Variants in LHX9 observed in about 807,000 individuals in gnomAD.
LHX9 encodes LIM homeobox 9.
Under a neutral mutation model 36.5 loss-of-function variants are expected in LHX9, and 9 were observed. That is an observed-to-expected ratio of 0.25 (90% CI 0.15 to 0.43). LHX9 has a LOEUF of 0.43. Among genes scored for constraint, LHX9 ranks in the 20% least tolerant of loss-of-function variants. The pLI is 1.00. For synonymous variants in LHX9, 211 were observed against 212.1 expected, an observed-to-expected ratio of 0.99 and a Z score of 0.04; for missense variants, 464 against 526.4, an observed-to-expected ratio of 0.88 and a Z score of 1.16.
At position 197,929,352 on chromosome 1, in the gene LHX9, T is replaced by C. The variant is rs1301751827; in HGVS notation, c.*93T>C. 4 of 1,199,380 alleles carry C rather than the reference T, an allele frequency of 3.3e-6. No homozygotes were observed. Among genetic ancestry groups the C allele is most frequent in the Non-Finnish European group, 4.1e-6 (4 of 967,208 alleles). The allele number at this position is 1,199,380 out of a possible 1,614,324, so 74.3% of individuals were successfully genotyped here. A position where few individuals can be genotyped will look rare whatever the true frequency, so the allele number is the denominator to read the frequency against. On this transcript the variant is annotated 3_prime_UTR_variant, in exon 5 of 5. Transcript: ENST00000367387. The stretch of plus-strand genomic sequence containing the variant: ...TTTTATTATTTACAAGACTTTTTTT[T>C]TCTTCTAACCCACAAGATATTTGGG...
intron 1 of LHX9, chr1:197,918,641 G>A (rs1659857648): frequency 2.0e-6 from 1 of 496,012 alleles, no homozygotes; most frequent in Non-Finnish European, 3.6e-6. Flanking sequence ...ATACGGAGGA[G>A]CGCGGCACCC....
At chr1:197,924,204 C>T (rs537724516) in intron 3 of LHX9, among the ~76,000 whole-genome samples, 3 of 152,242 alleles carry the variant, frequency 2.0e-5, no homozygotes, top group East Asian at 1.9e-4. Context: ...AGTTTTAACT[C>T]GTTATTTTAG....
In LHX9 at chr1:197,920,064, A is replaced by C; in HGVS notation, c.267A>C (p.Lys89Asn). ...SDRYYLLAVD[K>N]QWHLRCLKCC... ...GGTACTATCTGCTGGCTGTGGACAAACAGTGGCATCTGAGATGCCTGAAGT... is the reference window on the plus strand; with the variant it reads ...GGTACTATCTGCTGGCTGTGGACAACCAGTGGCATCTGAGATGCCTGAAGT... Residue 89 changes from lysine to asparagine, a missense_variant, in exon 2 of 5, where the codon AAA (lysine) becomes AAC (asparagine). This residue lies in a region of LHX9 where 93 missense variants were observed against 150.3 expected (regional missense o/e 0.62). Transcript: ENST00000367387. 5 of 1,614,222 alleles carry C rather than the reference A, an allele frequency of 3.1e-6. No individual in the cohort carries two copies. Among genetic ancestry groups the C allele is most frequent in the Non-Finnish European group, 4.2e-6 (5 of 1,180,040 alleles).
intron 3 of LHX9, among the ~76,000 whole-genome samples, chr1:197,925,528 C>A (rs1399161682): frequency 5.1e-5 from 1 of 19,492 alleles, no homozygotes; most frequent in African/African-American, 7.3e-5. Flanking sequence ...GCCCCTTTGA[C>A]TATTTTTTGT....
intron 3 of LHX9, among the ~76,000 whole-genome samples, chr1:197,924,202 C>A (rs1387508157): frequency 6.6e-6 from 1 of 152,188 alleles, no homozygotes; most frequent in Non-Finnish European, 1.5e-5. Flanking sequence ...CCAGTTTTAA[C>A]TCGTTATTTT....
At position 197,921,301 on chromosome 1, in the gene LHX9, C is replaced by A; in HGVS notation, c.378-3C>A. ...GCGCCCTGACTCAACTCTTTCCTTC[C>A]AGAAGGTTCTCTGTGCAGAGATGTG... On this transcript the variant is annotated splice_polypyrimidine_tract_variant and splice_region_variant and intron_variant, in intron 2 of 4. Transcript: ENST00000367387. The surrounding 1 kb of genome is among the most constrained non-coding windows in gnomAD (Gnocchi z 4.6). 1 of 1,607,970 alleles carries A rather than the reference C, an allele frequency of 6.2e-7. No homozygotes were observed. The highest frequency in any genetic ancestry group is 8.5e-7 in the Non-Finnish European group (1 of 1,176,090).
Position 197,932,691 on chromosome 1 carries a change from A to C in LHX9, c.*3432A>C, listed in dbSNP as rs1251290005. ...ACTTGTTATACTAATGAAAAAATAC[A>C]AACAGCATAGTGAGATTAAATTCTG... On this transcript the variant is annotated 3_prime_UTR_variant, in exon 5 of 5. Coordinates refer to ENST00000367387, the MANE Select transcript of LHX9 (RefSeq NM_020204.3). The C allele has an allele frequency of 1.3e-5, 2 of 152,120 alleles. No homozygotes were observed. Among genetic ancestry groups the C allele is most frequent in the Non-Finnish European group, 2.9e-5 (2 of 67,946 alleles). 9.4% of individuals were successfully genotyped at this position (152,120 alleles called of 1,614,324 possible). A position where few individuals can be genotyped will look rare whatever the true frequency, so the allele number is the denominator to read the frequency against.
At chr1:197,927,877 G>A (rs1009743202) in intron 4 of LHX9, 84 bp downstream of exon 4, 4 of 1,225,864 alleles carry the variant, frequency 3.3e-6, no homozygotes, top group African/African-American at 3.0e-5. Flanking sequence ...TTAGAGTGAC[G>A]CAGATATTTC....
At position 197,929,795 on chromosome 1, in the gene LHX9, T is replaced by A. The variant is rs1660274567; in HGVS notation, c.*536T>A. 1 of 939,172 alleles carries A rather than the reference T, an allele frequency of 1.1e-6. No homozygotes were observed. The highest frequency in any genetic ancestry group is 1.8e-5 in the African/African-American group (1 of 56,288). 58.2% of individuals were successfully genotyped at this position (939,172 alleles called of 1,614,324 possible). A position where few individuals can be genotyped will look rare whatever the true frequency, so the allele number is the denominator to read the frequency against. On this transcript the variant is annotated 3_prime_UTR_variant, in exon 5 of 5. Coordinates refer to ENST00000367387, the MANE Select transcript of LHX9 (RefSeq NM_020204.3). ...TATTTCTATTTCTTACCTGAACTGT[T>A]AATTCAAGTGAGGAATATGATGAAA... is the stretch of plus-strand genomic sequence containing the variant.
chr1:197,927,556 A>T (rs751975606), intron 3 of LHX9, 35 bp from the exon 4 acceptor site: 16 of 1,570,342 alleles, frequency 1.0e-5, no homozygotes, highest in Non-Finnish European at 4.4e-6. Flanking sequence ...AAGAATTTCC[A>T]CTGAGCAGTT....
In LHX9 at chr1:197,920,107, G is replaced by T. The variant is rs754819516; in HGVS notation, c.310G>T (p.Ala104Ser). The T allele has an allele frequency of 2.5e-6, 4 of 1,614,230 alleles. No individual in the cohort carries two copies. Among genetic ancestry groups the T allele is most frequent in the Admixed American group, 3.3e-5 (2 of 60,028 alleles). Residue 104 changes from alanine to serine, a missense_variant, in exon 2 of 5, where the codon GCC becomes TCC. Ala to Ser is a moderately conservative substitution (Grantham distance 99, BLOSUM62 1). This residue lies in a region of LHX9 where 93 missense variants were observed against 150.3 expected (regional missense o/e 0.62). Coordinates refer to ENST00000367387, the MANE Select transcript of LHX9 (RefSeq NM_020204.3). ...CCTGAAGTGCTGTGAATGTAAGCTGGCCCTCGAGTCCGAGCTCACCTGCTT... is the reference window on the plus strand; with the variant it reads ...CCTGAAGTGCTGTGAATGTAAGCTGTCCCTCGAGTCCGAGCTCACCTGCTT... ...RCLKCCECKL[A>S]LESELTCFAK... is the part of the protein sequence containing the mutation.
chr1:197,912,485 C>T (rs1571771256), upstream of LHX9: 1 of 1,608,836 alleles, frequency 6.2e-7, no homozygotes, highest in South Asian at 1.1e-5. Flanking sequence ...CTTTTCTCTG[C>T]CAGTGCAACC....
intron 1 of LHX9, chr1:197,918,646 G>A: frequency 2.1e-6 from 1 of 480,902 alleles, no homozygotes; most frequent in Non-Finnish European, 3.7e-6. Context: ...GAGGAGCGCG[G>A]CACCCAGTCG....
At chr1:197,914,133 G>A (rs1659686718), upstream of LHX9, among the ~76,000 whole-genome samples, 1 of 152,198 alleles carries the variant, frequency 6.6e-6, no homozygotes, top group Non-Finnish European at 1.5e-5. Context: ...CAACAGTAGC[G>A]GGATGGGTGC....
At chr1:197,920,273 T>C in intron 2 of LHX9, 99 bp downstream of exon 2, 1 of 1,115,478 alleles carries the variant, frequency 9.0e-7, no homozygotes. Flanking sequence ...TTTTGCCCCA[T>C]TCCGGGTGCT....
In LHX9 at chr1:197,929,667, ATAAT is replaced by A. The variant is rs1660270666; in HGVS notation, c.*415_*418del. 3.0e-5 allele frequency: 27 copies of A among 912,830 alleles called. No individual in the cohort carries two copies. The South Asian group carries it at 1.3e-3, about 43-fold the overall frequency. The allele number at this position is 912,830 out of a possible 1,614,324, so 56.5% of individuals were successfully genotyped here. A position where few individuals can be genotyped will look rare whatever the true frequency, so the allele number is the denominator to read the frequency against. On this transcript the variant is annotated 3_prime_UTR_variant, in exon 5 of 5. Transcript: ENST00000367387. ...AATGATTAGGTTAATAAAGAACCAG[ATAAT>A]TAATTAGTTACTTTTTAAATCTTGC... is the stretch of plus-strand genomic sequence containing the variant.
At position 197,933,888 on chromosome 1, in the gene LHX9, T is replaced by C. The variant is rs1660390784; in HGVS notation, c.*4629T>C. 1 of 152,154 alleles carries C rather than the reference T, an allele frequency of 6.6e-6. No homozygotes were observed. The highest frequency in any genetic ancestry group is 2.1e-4 in the South Asian group (1 of 4,826). The allele number at this position is 152,154 out of a possible 1,614,324, so 9.4% of individuals were successfully genotyped here. On this transcript the variant is annotated 3_prime_UTR_variant, in exon 5 of 5. Transcript: ENST00000367387. ...TGAGTCTGGGCAACTGCACATTTACTGTTTGGTGTGGAATAGAAAAATGTG... is the reference window on the plus strand; with the variant it reads ...TGAGTCTGGGCAACTGCACATTTACCGTTTGGTGTGGAATAGAAAAATGTG...
rs1481654216 is a variant in LHX9, at chr1:197,921,863, G to C, written c.733+204G>C. ...GGAGAGGCAGCACTTTATTTAGGTT[G>C]TGGCAAAAAACACATTCATAACTAT... On this transcript the variant is annotated intron_variant, in intron 3 of 4. Coordinates refer to ENST00000367387, the MANE Select transcript of LHX9 (RefSeq NM_020204.3). This position sits in a 1 kb window ranked among gnomAD's most constrained non-coding sequence, Gnocchi z 4.6. 6.6e-6 allele frequency among the ~76,000 whole-genome samples: 1 copy of C among 152,126 alleles called. No homozygotes were observed. The highest frequency in any genetic ancestry group is 1.5e-5 in the Non-Finnish European group (1 of 67,994).
intron 4 of LHX9, 74 bp from the exon 5 acceptor site, chr1:197,928,927 AG>A: frequency 7.1e-7 from 1 of 1,407,314 alleles, no homozygotes; most frequent in Non-Finnish European, 9.4e-7. Flanking sequence ...AAAGAAAAAA[AG>A]AAAAAGTGAG....
Sources: gnomAD v4.1 joint callset for allele counts (sites outside exome capture counted in the v4.1 genomes callset) on GRCh38, gnomAD v4.1.1 for gene constraint, gnomAD v4.1.1 regional missense constraint, Gnocchi (gnomAD v3.1) non-coding constraint, MANE v1.5 for transcripts, NCBI Gene and HGNC (gene_info 2026-07-23, HGNC 2026-07-21) for gene names.